IL26: variants seen among roughly 807,000 people sequenced by gnomAD.
IL26 encodes interleukin-26.
In IL26, 23 loss-of-function variants were observed where a neutral mutation model predicts 21.7. The observed-to-expected ratio is 1.06, with a 90% CI of 0.76 to 1.50. The LOEUF (loss-of-function observed/expected upper bound fraction) is 1.50. IL26 is among the 40% of genes most tolerant of loss of function. IL26 has a pLI of 0.00. For missense variants in IL26, 204 were observed against 196.0 expected (o/e 1.04, Z -0.24); for synonymous variants, 63 against 67.8 (o/e 0.93, Z 0.34).
At chr12:68,202,531 C>G (rs1868417017) in intron 3 of IL26, among the ~76,000 whole-genome samples, 1 of 152,138 alleles carries the variant, frequency 6.6e-6, no homozygotes, top group African/African-American at 2.4e-5. Context: ...ACAATCACGG[C>G]AGAAGGTGAA....
At chr12:68,219,432 A>G (rs575815249) in intron 3 of IL26, among the ~76,000 whole-genome samples, 1 of 147,730 alleles carries the variant, frequency 6.8e-6, no homozygotes, top group South Asian at 2.1e-4. Context: ...CTAATAACCC[A>G]TATATAAAAG....
intron 3 of IL26, among the ~76,000 whole-genome samples, chr12:68,205,680 G>A (rs550920227): frequency 1.3e-4 from 19 of 151,246 alleles, no homozygotes; most frequent in African/African-American, 4.6e-4. Context: ...GGCACTTGGT[G>A]TAACTTTAAG....
chr12:68,218,276 C>A (rs868275995), intron 3 of IL26, among the ~76,000 whole-genome samples: 25 of 152,088 alleles, frequency 1.6e-4, no homozygotes, highest in South Asian at 4.1e-4. Flanking sequence ...AGAGTGGACA[C>A]AAATGTTACA....
intron 3 of IL26, among the ~76,000 whole-genome samples, chr12:68,214,490 G>A (rs1868817842): frequency 6.6e-6 from 1 of 152,114 alleles, no homozygotes; most frequent in Admixed American, 6.5e-5. Context: ...ATCTATTAAT[G>A]CTTGCTTTAT....
chr12:68,204,496 T>G (rs765086700), intron 3 of IL26, among the ~76,000 whole-genome samples: 40 of 152,128 alleles, frequency 2.6e-4, no homozygotes, highest in Non-Finnish European at 4.3e-4. Context: ...AGCCACATTC[T>G]GGACACTACC....
intron 3 of IL26, among the ~76,000 whole-genome samples, chr12:68,215,782 C>T (rs906110892): frequency 2.0e-5 from 3 of 152,092 alleles, no homozygotes; most frequent in African/African-American, 7.2e-5. Flanking sequence ...ATCCTCGTGC[C>T]TCAGCCTCCT....
intron 3 of IL26, among the ~76,000 whole-genome samples, chr12:68,217,383 A>T (rs952858161): frequency 5.9e-5 from 9 of 152,240 alleles, no homozygotes; most frequent in Admixed American, 1.3e-4. Context: ...TGAGTTAATA[A>T]TGAAACAGAG....
intron 2 of IL26, 51 bp from the exon 3 acceptor site, chr12:68,225,334 T>C: frequency 6.4e-7 from 1 of 1,572,602 alleles, no homozygotes; most frequent in Non-Finnish European, 8.7e-7. Context: ...AATCGTTTTT[T>C]AATGTCCCCC....
intron 3 of IL26, among the ~76,000 whole-genome samples, chr12:68,219,664 T>C (rs1295297249): frequency 2.0e-5 from 3 of 151,650 alleles, no homozygotes; most frequent in Non-Finnish European, 4.4e-5. Flanking sequence ...CTTAAGAAAC[T>C]AGAAGGAGCA....
chr12:68,202,943 T>C (rs2120415554), intron 3 of IL26, among the ~76,000 whole-genome samples: 1 of 152,222 alleles, frequency 6.6e-6, no homozygotes, highest in Non-Finnish European at 1.5e-5. Context: ...CAAGCAAGCA[T>C]GGCTGGAGCA....
chr12:68,215,946 A>T (rs907942779), intron 3 of IL26, among the ~76,000 whole-genome samples: 3 of 150,804 alleles, frequency 2.0e-5, no homozygotes, highest in African/African-American at 7.3e-5. Flanking sequence ...AGCCTCCCAA[A>T]GTGCTGGGAT....
At chr12:68,212,145 T>G (rs1436018723) in intron 3 of IL26, among the ~76,000 whole-genome samples, 2 of 152,092 alleles carry the variant, frequency 1.3e-5, no homozygotes, top group African/African-American at 2.4e-5. Context: ...GTTCTTTCCC[T>G]CAATGTATAT....
At chr12:68,202,884 T>A (rs902172404) in intron 3 of IL26, among the ~76,000 whole-genome samples, 7 of 151,790 alleles carry the variant, frequency 4.6e-5, no homozygotes, top group African/African-American at 1.7e-4. Context: ...GAAAATATGC[T>A]CCTCCGAGGC....
At chr12:68,206,125 C>A (rs116302015) in intron 3 of IL26, among the ~76,000 whole-genome samples, 3 of 152,196 alleles carry the variant, frequency 2.0e-5, no homozygotes, top group Non-Finnish European at 4.4e-5. Context: ...AAGTTATGTA[C>A]GACATCTGAA....
chr12:68,205,913 C>T (rs1412718357), intron 3 of IL26, among the ~76,000 whole-genome samples: 1 of 152,180 alleles, frequency 6.6e-6, no homozygotes, highest in Non-Finnish European at 1.5e-5. Context: ...TCTTCTTCCT[C>T]ATCGTCTGGC....
intron 3 of IL26, among the ~76,000 whole-genome samples, chr12:68,224,290 G>GTTTTT (rs1460439395): frequency 1.8e-5 from 1 of 56,064 alleles, no homozygotes; most frequent in Non-Finnish European, 2.7e-5. Context: ...CAGTGTTTTT[G>GTTTTT]TTTTGTTTTG....
intron 3 of IL26, among the ~76,000 whole-genome samples, chr12:68,212,165 C>A (rs1868751866): frequency 6.6e-6 from 1 of 151,982 alleles, no homozygotes; most frequent in South Asian, 2.1e-4. Context: ...TTCTTGGCAC[C>A]TTTGTCAAAA....
intron 3 of IL26, among the ~76,000 whole-genome samples, chr12:68,207,537 AATT>A (rs1346206906): frequency 6.6e-6 from 1 of 152,176 alleles, no homozygotes; most frequent in African/African-American, 2.4e-5. Context: ...GTGGCTACAG[AATT>A]ATTATAGTAG....
At chr12:68,225,051 T>C in intron 3 of IL26, 98 bp downstream of exon 3, 1 of 1,253,322 alleles carries the variant, frequency 8.0e-7, no homozygotes, top group Admixed American at 2.6e-5. Flanking sequence ...ATTACAAAGC[T>C]CGTTTTACTC....
Sources: gnomAD v4.1 joint callset for allele counts (sites outside exome capture counted in the v4.1 genomes callset) on GRCh38, gnomAD v4.1.1 for gene constraint, MANE v1.5 for transcripts, NCBI Gene and HGNC (gene_info 2026-07-23, HGNC 2026-07-21) for gene names.